MME: variants seen among roughly 807,000 people sequenced by gnomAD.
The protein encoded by MME is neprilysin.
A neutral mutation model predicts 113.2 loss-of-function variants in MME; 98 were observed. The observed-to-expected ratio is 0.87, with a 90% CI of 0.74 to 1.02. The LOEUF (loss-of-function observed/expected upper bound fraction) is 1.02, where lower values mean the gene tolerates loss of function less well. Ranked by LOEUF, MME falls within the 50% of genes least tolerant of loss-of-function variation. The pLI, the probability that MME is intolerant of heterozygous loss-of-function variation, is 0.00. For synonymous variants in MME, 292 were observed against 300.6 expected, an observed-to-expected ratio of 0.97 and a Z score of 0.30; for missense variants, 836 against 896.0, an observed-to-expected ratio of 0.93 and a Z score of 0.86.
chr3:155,084,829 A>C (rs947785486), intron 2 of MME, among the ~76,000 whole-genome samples: 9 of 152,206 alleles, frequency 5.9e-5, no homozygotes, highest in African/African-American at 2.2e-4. Context: ...GTTGGTAGAG[A>C]AGATATAATA....
chr3:155,133,612 T>C (rs939691871), intron 8 of MME, among the ~76,000 whole-genome samples: 4 of 149,498 alleles, frequency 2.7e-5, no homozygotes, highest in South Asian at 2.1e-4. Flanking sequence ...TATATATATA[T>C]GTATATACAC....
At chr3:155,094,650 G>A (rs1234425803) in intron 3 of MME, among the ~76,000 whole-genome samples, 1 of 152,178 alleles carries the variant, frequency 6.6e-6, no homozygotes, top group Admixed American at 6.5e-5. Context: ...CATTTGATTT[G>A]ATTGCTGTGC....
At chr3:155,066,686 G>A (rs1419991742) in intron 1 of MME, among the ~76,000 whole-genome samples, 1 of 152,102 alleles carries the variant, frequency 6.6e-6, no homozygotes, top group East Asian at 1.9e-4. Flanking sequence ...TTATATTGCT[G>A]TCACTGGATG....
chr3:155,036,288 C>A (rs1313788257), intron 1 of MME, among the ~76,000 whole-genome samples: 1 of 152,170 alleles, frequency 6.6e-6, no homozygotes, highest in East Asian at 1.9e-4. Context: ...AATTCACAAT[C>A]AATAAAATAC....
At chr3:155,052,504 T>A (rs1217318908) in intron 1 of MME, among the ~76,000 whole-genome samples, 1 of 152,242 alleles carries the variant, frequency 6.6e-6, no homozygotes, top group Non-Finnish European at 1.5e-5. Context: ...AGGTGGAAGC[T>A]GCCAAGGCTT....
chr3:155,116,723 T>C lies in MME; in HGVS notation c.499T>C (p.Trp167Arg). Residue 167 changes from tryptophan (W) to arginine (R), a missense_variant, in exon 6 of 23, where the codon TGG becomes CGG. Physicochemically the swap from Trp to Arg is moderately radical, Grantham distance 101. Transcript: ENST00000360490. Reference protein sequence around the residue: ...LLKLLPDIYGWPVATENWEQK... With the variant: ...LLKLLPDIYGRPVATENWEQK... Reference sequence around the variant, plus strand: ...CAAACTGTTACCAGACATATATGGGTGGCCAGTAGCAACAGAAAACTGGGA... The same window carrying C: ...CAAACTGTTACCAGACATATATGGGCGGCCAGTAGCAACAGAAAACTGGGA... The C allele has an allele frequency of 1.2e-6, 2 of 1,613,608 alleles. No individual in the cohort carries two copies.
chr3:155,168,545 G>A lies in MME; in HGVS notation c.1834G>A (p.Ala612Thr), dbSNP rs373479159. The stretch of plus-strand genomic sequence containing the variant: ...CGTTGACTGGTGGACTCAACAGTCT[G>A]CAAGTAACTTTAAGGAGCAATCCCA... ...DLVDWWTQQS[A>T]SNFKEQSQCM... is the part of the protein sequence containing the mutation. The change falls in exon 19 of 23, where the codon GCA (alanine) becomes ACA (threonine). Residue 612 changes from alanine to threonine, a missense_variant. Ala to Thr is a moderately conservative substitution (Grantham distance 58). Coordinates refer to ENST00000360490, the MANE Select transcript of MME (RefSeq NM_007289.4). The A allele has an allele frequency of 1.9e-6, 3 of 1,613,500 alleles. No homozygotes were observed. Among genetic ancestry groups the A allele is most frequent in the Admixed American group, 1.7e-5 (1 of 59,982 alleles).
rs1317510025 is a variant in MME, at chr3:155,125,295, C to A, written c.720+6484C>A. Among the ~76,000 whole-genome samples the A allele has an allele frequency of 1.4e-4, 11 of 81,102 alleles. 1 individual carries two copies. Among genetic ancestry groups the A allele is most frequent in the African/African-American group, 3.6e-4 (11 of 30,372 alleles). 53.2% of individuals were successfully genotyped at this position (81,102 alleles called of 152,430 possible). A position where few individuals can be genotyped will look rare whatever the true frequency, so the allele number is the denominator to read the frequency against. On this transcript the variant is annotated intron_variant, in intron 8 of 22. Coordinates refer to ENST00000360490, the MANE Select transcript of MME (RefSeq NM_007289.4). ...TTCGGCTCACGCACGGTGCGTGCAC[C>A]CACTGGCCTGCGCCCACTGTCTGGG...
intron 16 of MME, among the ~76,000 whole-genome samples, chr3:155,157,525 T>C (rs1177393401): frequency 2.0e-5 from 3 of 152,204 alleles, no homozygotes; most frequent in Non-Finnish European, 4.4e-5. Context: ...CCAAAAGAAC[T>C]TACAGTTTTT....
chr3:155,031,791 G>T (rs1010113522), intron 1 of MME, among the ~76,000 whole-genome samples: 2 of 152,136 alleles, frequency 1.3e-5, no homozygotes, highest in African/African-American at 2.4e-5. Flanking sequence ...CCAAGTAGCT[G>T]GGATTACAGG....
At chr3:155,161,656 C>T (rs1299196920) in intron 17 of MME, among the ~76,000 whole-genome samples, 1 of 152,028 alleles carries the variant, frequency 6.6e-6, no homozygotes, top group Non-Finnish European at 1.5e-5. Context: ...TGGAGTAAAA[C>T]CTGAATCCAT....
At chr3:155,078,741 G>A (rs1420962845), upstream of MME, among the ~76,000 whole-genome samples, 2 of 150,560 alleles carry the variant, frequency 1.3e-5, no homozygotes, top group Non-Finnish European at 3.0e-5. Context: ...AAAGGTACTT[G>A]TACACTGGAA....
intron 3 of MME, among the ~76,000 whole-genome samples, chr3:155,099,188 G>A (rs1385573699): frequency 6.6e-6 from 1 of 152,154 alleles, no homozygotes; most frequent in Non-Finnish European, 1.5e-5. Flanking sequence ...ACTCAAAAGG[G>A]TAAGCAGCAA....
chr3:155,086,898 G>C (rs547916915), intron 3 of MME, among the ~76,000 whole-genome samples: 1 of 152,190 alleles, frequency 6.6e-6, no homozygotes, highest in Non-Finnish European at 1.5e-5. Context: ...TTGATCTCCT[G>C]GGCTCAAGGC....
chr3:155,106,680 G>A (rs1320487552), intron 3 of MME, among the ~76,000 whole-genome samples: 1 of 152,140 alleles, frequency 6.6e-6, no homozygotes, highest in Non-Finnish European at 1.5e-5. Flanking sequence ...GGAGGAGGGT[G>A]GCAGCAAGGG....
chr3:155,077,508 G>A (rs975607284), upstream of MME, among the ~76,000 whole-genome samples: 2 of 152,140 alleles, frequency 1.3e-5, no homozygotes, highest in African/African-American at 2.4e-5. Context: ...AAACTTCTGG[G>A]AGGAGATTTA....
At chr3:155,172,711 G>C (rs1278729094) in intron 22 of MME, 99 bp downstream of exon 22, 1 of 906,946 alleles carries the variant, frequency 1.1e-6, no homozygotes, top group Non-Finnish European at 1.8e-6. Flanking sequence ...TTTTACATTT[G>C]GAAATTCAGT....
chr3:155,083,844 T>C, intron 1 of MME: 1 of 329,680 alleles, frequency 3.0e-6, no homozygotes, highest in East Asian at 7.7e-5. Flanking sequence ...GCTTATAAAC[T>C]GCTGAATTAA....
chr3:155,055,128 C>T (rs1197061805), intron 1 of MME, among the ~76,000 whole-genome samples: 1 of 152,088 alleles, frequency 6.6e-6, no homozygotes, highest in Non-Finnish European at 1.5e-5. Flanking sequence ...AAAATATGTT[C>T]ATAGCATTTC....
Sources: gnomAD v4.1 joint callset for allele counts (sites outside exome capture counted in the v4.1 genomes callset) on GRCh38, gnomAD v4.1.1 for gene constraint, MANE v1.5 for transcripts, NCBI Gene and HGNC (gene_info 2026-07-23, HGNC 2026-07-21) for gene names.